The following ADNP2 variants were observed in gnomAD, a reference collection of about 807,000 sequenced individuals.
ADNP2 encodes the protein ADNP homeobox 2.
Under a neutral mutation model 16.4 loss-of-function variants are expected in ADNP2, and 8 were observed. That is an observed-to-expected ratio of 0.49 (90% confidence interval 0.29 to 0.88). The LOEUF is 0.88. Ranked by LOEUF, ADNP2 falls within the 40% of genes least tolerant of loss-of-function variation. The probability of loss-of-function intolerance (pLI) is 0.09; values close to 1 mark genes in which losing one functional copy is unlikely to be tolerated. For synonymous variants in ADNP2, 637 were observed against 545.8 expected, an observed-to-expected ratio of 1.17 and a Z score of -2.33; for missense variants, 1,397 against 1,395.1, an observed-to-expected ratio of 1.00 and a Z score of -0.02.
chr18:80,113,541 C>T (rs2052370887), intron 1 of ADNP2, among the ~76,000 whole-genome samples: 1 of 152,148 alleles, frequency 6.6e-6, no homozygotes, highest in South Asian at 2.1e-4. Context: ...GTCTTGGGCA[C>T]CAGCTTTCCA....
chr18:80,131,643 T>C (rs963132925), intron 2 of ADNP2, among the ~76,000 whole-genome samples: 10 of 151,908 alleles, frequency 6.6e-5, no homozygotes, highest in Admixed American at 5.9e-4. Flanking sequence ...GTTGCATATG[T>C]ATACATGTAC....
At chr18:80,126,279 T>G (rs2052458133) in intron 2 of ADNP2, among the ~76,000 whole-genome samples, 1 of 152,202 alleles carries the variant, frequency 6.6e-6, no homozygotes, top group African/African-American at 2.4e-5. Flanking sequence ...CATTTTTTCT[T>G]CCACATGTTA....
intron 2 of ADNP2, among the ~76,000 whole-genome samples, chr18:80,129,765 G>A (rs932183650): frequency 2.0e-5 from 3 of 152,176 alleles, no homozygotes; most frequent in South Asian, 2.1e-4. Flanking sequence ...TGTGCATTAT[G>A]TTCTTTCTGT....
At chr18:80,113,111 G>A (rs1453498325) in intron 1 of ADNP2, among the ~76,000 whole-genome samples, 1 of 152,110 alleles carries the variant, frequency 6.6e-6, no homozygotes, top group Non-Finnish European at 1.5e-5. Flanking sequence ...GCATAATGAG[G>A]TTATGGCAGC....
chr18:80,125,648 A>T (rs889033305), intron 2 of ADNP2, among the ~76,000 whole-genome samples: 35 of 151,980 alleles, frequency 2.3e-4, no homozygotes, highest in Non-Finnish European at 3.8e-4. Context: ...GTCTCAAAAA[A>T]AAAATAAAAA....
intron 2 of ADNP2, among the ~76,000 whole-genome samples, chr18:80,131,569 C>A (rs5826688): frequency 8.8e-6 from 1 of 113,554 alleles, no homozygotes; most frequent in African/African-American, 4.5e-5. Context: ...GATGAAGATT[C>A]TTTTTTTTTT....
Position 80,135,852 on chromosome 18 carries a change from T to G in ADNP2, c.439T>G (p.Ser147Ala). The G allele has an allele frequency of 6.2e-7, 1 of 1,614,232 alleles. No individual in the cohort carries two copies. The highest frequency in any genetic ancestry group is 8.5e-7 in the Non-Finnish European group (1 of 1,180,040). Residue 147 changes from serine to alanine, a missense_variant, in exon 4 of 4, where the codon TCA becomes GCA. Transcript: ENST00000262198. ...AGTGAATATTTTAGGTGAAACTAAA[T>G]CATCTAGGAGCGATGTGATAAGTTT... ...YTVNILGETK[S>A]SRSDVISFTC...
At chr18:80,125,600 GC>G (rs369370880) in intron 2 of ADNP2, among the ~76,000 whole-genome samples, 18 of 152,048 alleles carry the variant, frequency 1.2e-4, no homozygotes, top group African/African-American at 4.3e-4. Context: ...CCTAGAATGT[GC>G]CACTGCACTC....
intron 2 of ADNP2, among the ~76,000 whole-genome samples, chr18:80,121,808 A>G (rs577131131): frequency 6.6e-6 from 1 of 152,302 alleles, no homozygotes; most frequent in East Asian, 1.9e-4. Context: ...TCCCTATTGA[A>G]TGGACTTGGC....
Position 80,135,111 on chromosome 18 carries a change from C to T in ADNP2, c.199-501C>T, listed in dbSNP as rs376737752. 6.1e-4 allele frequency among the ~76,000 whole-genome samples: 93 copies of T among 152,228 alleles called. 3 individuals carry two copies. In the South Asian group the frequency reaches 0.016, roughly 26 times the overall value. ...ATGCTGTTATTAATAATTCAGAATA[C>T]AGGACTAAGTAATTATATTTGTGGT... On this transcript the variant is annotated intron_variant, in intron 3 of 3. Coordinates refer to ENST00000262198, the MANE Select transcript of ADNP2 (RefSeq NM_014913.4).
chr18:80,121,275 T>A (rs191227865), intron 2 of ADNP2, among the ~76,000 whole-genome samples: 204 of 152,294 alleles, frequency 1.3e-3, no homozygotes, highest in African/African-American at 3.6e-3. Context: ...TGGTTTTGAT[T>A]TGCATTTCCG....
chr18:80,117,677 A>T (rs1310296770), intron 2 of ADNP2, 27 bp downstream of exon 2: 4 of 1,550,628 alleles, frequency 2.6e-6, no homozygotes, highest in Non-Finnish European at 3.5e-6. Context: ...AGCCAACTGG[A>T]ATCTGGAGGT....
At chr18:80,128,020 T>TAA (rs1173509061) in intron 2 of ADNP2, among the ~76,000 whole-genome samples, 1 of 152,266 alleles carries the variant, frequency 6.6e-6, no homozygotes, top group Non-Finnish European at 1.5e-5. Context: ...TGCCCCTTTT[T>TAA]AATAGTAGCT....
chr18:80,114,708 G>A (rs1031378701), intron 1 of ADNP2, among the ~76,000 whole-genome samples: 1 of 152,222 alleles, frequency 6.6e-6, no homozygotes, highest in South Asian at 2.1e-4. Context: ...TTTAAGAAGC[G>A]CATCAGTTCT....
In ADNP2 at chr18:80,138,128, C is replaced by T. The variant is rs1327153648; in HGVS notation, c.2715C>T (p.His905=). Residue 905 remains histidine, a synonymous_variant, in exon 4 of 4, where the codon CAC becomes CAT. Transcript: ENST00000262198. ...GGCACCACATCATGCCCACAGTCCA[C>T]ACGGTCCTGAAGTCTCCCGCCTTCA... The part of the protein sequence containing the change: ...KERHHIMPTV[H]TVLKSPAFKC... The T allele has an allele frequency of 1.2e-6, 2 of 1,613,988 alleles. No individual in the cohort carries two copies. Among genetic ancestry groups the T allele is most frequent in the African/African-American group, 2.7e-5 (2 of 74,936 alleles).
chr18:80,110,385 C>T (rs1184154335), intron 1 of ADNP2, among the ~76,000 whole-genome samples: 4 of 151,974 alleles, frequency 2.6e-5, no homozygotes, highest in Non-Finnish European at 5.9e-5. Context: ...ATCACTGCCT[C>T]TTGGGATCTT....
At chr18:80,117,381 AT>A (rs2052396051) in intron 1 of ADNP2, 148 bp from the exon 2 acceptor site, 1 of 461,294 alleles carries the variant, frequency 2.2e-6, no homozygotes, top group Non-Finnish European at 3.8e-6. Context: ...GGTCAACCTC[AT>A]TCATTTGCAT....
At position 80,136,360 on chromosome 18, in the gene ADNP2, C is replaced by A; in HGVS notation, c.947C>A (p.Pro316His). Reference protein sequence around the residue: ...GQPVTVAQGAPGSLTHSPPAA... With the variant: ...GQPVTVAQGAHGSLTHSPPAA... ...CCAGTGACTGTGGCCCAGGGTGCCCCTGGAAGCCTCACTCATTCCCCCCCT... is the reference window on the plus strand; with the variant it reads ...CCAGTGACTGTGGCCCAGGGTGCCCATGGAAGCCTCACTCATTCCCCCCCT... Residue 316 changes from proline (P) to histidine (H), a missense_variant, in exon 4 of 4, where the codon CCT becomes CAT. This residue lies in a region of ADNP2 where 777 missense variants were observed against 719.4 expected (regional missense o/e 1.08). Transcript: ENST00000262198. 6.2e-7 allele frequency: 1 copy of A among 1,614,242 alleles called. No individual in the cohort carries two copies. The highest frequency in any genetic ancestry group is 1.1e-5 in the South Asian group (1 of 91,088).
chr18:80,118,625 AT>A (rs1284690974), intron 2 of ADNP2, among the ~76,000 whole-genome samples: 2 of 152,066 alleles, frequency 1.3e-5, no homozygotes, highest in African/African-American at 4.8e-5. Flanking sequence ...CTGTTAGGAA[AT>A]TTGTTTTATT....
Sources: gnomAD v4.1 joint callset for allele counts (sites outside exome capture counted in the v4.1 genomes callset) on GRCh38, gnomAD v4.1.1 for gene constraint, gnomAD v4.1.1 regional missense constraint, MANE v1.5 for transcripts, NCBI Gene and HGNC (gene_info 2026-07-23, HGNC 2026-07-21) for gene names.